DNAH11: variants seen among roughly 807,000 people sequenced by gnomAD.
DNAH11 encodes dynein axonemal heavy chain 11, also known as axonemal beta dynein heavy chain 11.
In DNAH11, 442 loss-of-function variants were observed where a neutral mutation model predicts 526.0. That is an observed-to-expected ratio of 0.84 (90% CI 0.78 to 0.91). DNAH11 has a LOEUF of 0.91. DNAH11 is among the 40% of genes least tolerant of loss of function. The probability of loss-of-function intolerance (pLI) is 0.00; values close to 1 mark genes in which losing one functional copy is unlikely to be tolerated. For missense variants in DNAH11, 6,989 were observed against 5,448.7 expected (o/e 1.28, Z -8.90); for synonymous variants, 2,461 against 1,935.9 (o/e 1.27, Z -7.12).
intron 45 of DNAH11, among the ~76,000 whole-genome samples, chr7:21,733,376 G>A (rs9638791): frequency 0.56 from 84,929 of 151,928 alleles, 27,122 homozygotes; most frequent in Non-Finnish European, 0.72. Flanking sequence ...CAACAAGAGC[G>A]AGACTCCATC....
At chr7:21,823,960 A>T in intron 65 of DNAH11, among the ~76,000 whole-genome samples, 2 of 152,332 alleles carry the variant, frequency 1.3e-5, no homozygotes, top group South Asian at 4.1e-4. Context: ...AAGCTTGAAC[A>T]AGCCTAGAGC....
intron 54 of DNAH11, among the ~76,000 whole-genome samples, chr7:21,759,079 C>T (rs767825761): frequency 6.6e-6 from 1 of 152,166 alleles, no homozygotes; most frequent in Non-Finnish European, 1.5e-5. Context: ...GCTTGGAACG[C>T]AGTCTGTGAC....
At position 21,588,518 on chromosome 7, in the gene DNAH11, TGTG is replaced by T. The variant is rs1211631745; in HGVS notation, c.1858_1860del (p.Gly620del). The T allele has an allele frequency of 6.2e-7, 1 of 1,613,674 alleles. No individual in the cohort carries two copies. The highest frequency in any genetic ancestry group is 8.5e-7 in the Non-Finnish European group (1 of 1,179,644). ...CCAAAATATCAACTTGCAGATTGAA[TGTG>T]GTCATGTAGTTCTTAACAAGAACAT... On this transcript the variant is annotated inframe_deletion, in exon 11 of 82. Transcript: ENST00000409508.
intron 65 of DNAH11, among the ~76,000 whole-genome samples, chr7:21,823,580 T>TC (rs1006356236): frequency 1.3e-5 from 2 of 152,144 alleles, no homozygotes; most frequent in Non-Finnish European, 2.9e-5. Flanking sequence ...CATTTTTTTC[T>TC]CCCCCTTACA....
In DNAH11 at chr7:21,745,039, T is replaced by G. The variant is rs1362706641; in HGVS notation, c.8486T>G (p.Leu2829Trp). 2 of 1,608,660 alleles carry G rather than the reference T, an allele frequency of 1.2e-6. No individual in the cohort carries two copies. Among genetic ancestry groups the G allele is most frequent in the African/African-American group, 2.7e-5 (2 of 75,018 alleles). ...CTAAATGCTGCCATGCACCTAGTTT[T>G]GTTTGAAGATGCCATGCAACATGTG... The part of the protein sequence containing the change: ...NELNAAMHLV[L>W]FEDAMQHVCR... The change falls in exon 51 of 82, where the codon TTG (leucine) becomes TGG (tryptophan). Residue 2829 changes from leucine to tryptophan, a missense_variant. Coordinates refer to ENST00000409508, the MANE Select transcript of DNAH11 (RefSeq NM_001277115.2).
intron 6 of DNAH11, among the ~76,000 whole-genome samples, chr7:21,569,205 G>A (rs1783784033): frequency 6.6e-6 from 1 of 152,042 alleles, no homozygotes; most frequent in African/African-American, 2.4e-5. Flanking sequence ...TTGAACTCAG[G>A]GCTTTCATTA....
chr7:21,745,974 T>C (rs1786132139), intron 51 of DNAH11, among the ~76,000 whole-genome samples: 1 of 152,320 alleles, frequency 6.6e-6, no homozygotes, highest in East Asian at 1.9e-4. Flanking sequence ...TCAGTTAGGC[T>C]GCAGCATAGA....
intron 24 of DNAH11, 132 bp downstream of exon 24, chr7:21,619,354 C>G (rs968832935): frequency 2.9e-5 from 29 of 1,010,608 alleles, no homozygotes; most frequent in Non-Finnish European, 4.0e-5. Context: ...CCCTGCTGTT[C>G]ATTAGGTGTG....
intron 79 of DNAH11, 123 bp downstream of exon 79, chr7:21,895,122 G>A (rs1027953281): frequency 1.3e-5 from 10 of 775,988 alleles, no homozygotes; most frequent in South Asian, 2.1e-5. Flanking sequence ...ACCTGTAACC[G>A]TAAAAAATTC....
Position 21,591,431 on chromosome 7 carries a change from A to G in DNAH11, c.2521A>G (p.Met841Val). 2 of 1,613,942 alleles carry G rather than the reference A, an allele frequency of 1.2e-6. No individual in the cohort carries two copies. The highest frequency in any genetic ancestry group is 1.7e-6 in the Non-Finnish European group (2 of 1,179,862). ...QKNVKVIQQTMRGWARCVLPP... is the reference protein window; with the variant it reads ...QKNVKVIQQTVRGWARCVLPP... Reference sequence around the variant, plus strand: ...AAACGTGAAGGTGATCCAGCAGACCATGAGGGGCTGGGCCAGGTGCGTGCT... The same window carrying G: ...AAACGTGAAGGTGATCCAGCAGACCGTGAGGGGCTGGGCCAGGTGCGTGCT... Residue 841 changes from methionine to valine, a missense_variant, in exon 14 of 82, where the codon ATG becomes GTG. Transcript: ENST00000409508.
Position 21,589,205 on chromosome 7 carries a change from C to T in DNAH11, c.1974-3C>T, listed in dbSNP as rs761630483. 4.2e-5 allele frequency: 66 copies of T among 1,588,582 alleles called. No homozygotes were observed. Among genetic ancestry groups the T allele is most frequent in the Non-Finnish European group, 5.4e-5 (63 of 1,173,428 alleles). ...AACCAGTAGAAAAACCTTATTCCTA[C>T]AGATTTTTGGGCAATCCTGATCACG... On this transcript the variant is annotated splice_region_variant and splice_polypyrimidine_tract_variant and intron_variant, in intron 11 of 81. Transcript: ENST00000409508.
chr7:21,572,665 A>C (rs928682623), intron 8 of DNAH11, among the ~76,000 whole-genome samples: 1 of 152,210 alleles, frequency 6.6e-6, no homozygotes, highest in African/African-American at 2.4e-5. Context: ...TTTATTCACT[A>C]TTGTTTATAT....
At chr7:21,782,110 A>G (rs1163189744) in intron 57 of DNAH11, among the ~76,000 whole-genome samples, 1 of 152,236 alleles carries the variant, frequency 6.6e-6, no homozygotes, top group Non-Finnish European at 1.5e-5. Context: ...AGTTTAGCTC[A>G]TAACAAGCAG....
chr7:21,895,791 G>A (rs1026856469), intron 79 of DNAH11, among the ~76,000 whole-genome samples: 3 of 152,136 alleles, frequency 2.0e-5, no homozygotes, highest in African/African-American at 4.8e-5. Context: ...GTGCAGTGGC[G>A]CGATCTCGGC....
intron 65 of DNAH11, among the ~76,000 whole-genome samples, chr7:21,824,899 T>C (rs1385060090): frequency 5.3e-5 from 8 of 152,124 alleles, no homozygotes; most frequent in Non-Finnish European, 7.4e-5. Context: ...TGAAACAGAG[T>C]CTTGCTCTGT....
chr7:21,625,135 C>G (rs186847450), intron 25 of DNAH11, among the ~76,000 whole-genome samples: 1 of 152,056 alleles, frequency 6.6e-6, no homozygotes, highest in East Asian at 1.9e-4. Flanking sequence ...AAATGTTTGG[C>G]AGAATTCCAC....
In DNAH11 at chr7:21,789,809, T is replaced by TTTCTTTC. The variant is rs1788375199; in HGVS notation, c.10026+470_10026+476dup. 3.4e-3 allele frequency among the ~76,000 whole-genome samples: 66 copies of TTTCTTTC among 19,494 alleles called. 1 individual carries two copies. Among genetic ancestry groups the TTTCTTTC allele is most frequent in the Middle Eastern group, 0.042 (1 of 24 alleles). The allele number at this position is 19,494 out of a possible 152,430, so 12.8% of individuals were successfully genotyped here. On this transcript the variant is annotated intron_variant, in intron 61 of 81. Coordinates refer to ENST00000409508, the MANE Select transcript of DNAH11 (RefSeq NM_001277115.2). ...TCTTTCTTTCTTTCTTTCTTTCTTT[T>TTTCTTTC]TTCTTTCTTTCTTTCTTTCTTTCTT...
In DNAH11 at chr7:21,704,751, C is replaced by T. The variant is rs542765491; in HGVS notation, c.6468+123C>T. ...AACCTTAATAGGATCTTAATATATGCTTTCAAGCATTTTCATATGGCAGGA... is the reference window on the plus strand; with the variant it reads ...AACCTTAATAGGATCTTAATATATGTTTTCAAGCATTTTCATATGGCAGGA... On this transcript the variant is annotated intron_variant, in intron 38 of 81. Coordinates refer to ENST00000409508, the MANE Select transcript of DNAH11 (RefSeq NM_001277115.2). 2.7e-5 allele frequency: 29 copies of T among 1,073,672 alleles called. No individual in the cohort carries two copies. The East Asian group carries it at 7.7e-4, about 29-fold the overall frequency. The allele number at this position is 1,073,672 out of a possible 1,614,324, so 66.5% of individuals were successfully genotyped here.
At chr7:21,632,799 C>T (rs532248480) in intron 25 of DNAH11, among the ~76,000 whole-genome samples, 8 of 152,334 alleles carry the variant, frequency 5.3e-5, no homozygotes, top group Non-Finnish European at 1.0e-4. Flanking sequence ...CTGTTCCAAC[C>T]TCTGCCTGTT....
Sources: gnomAD v4.1 joint callset for allele counts (sites outside exome capture counted in the v4.1 genomes callset) on GRCh38, gnomAD v4.1.1 for gene constraint, MANE v1.5 for transcripts, NCBI Gene and HGNC (gene_info 2026-07-23, HGNC 2026-07-21) for gene names.